The following SPATA17 variants were observed in gnomAD, a reference collection of about 807,000 sequenced individuals.
SPATA17 encodes the protein spermatogenesis-associated protein 17.
In SPATA17, 53 loss-of-function variants were observed where a neutral mutation model predicts 62.2. The observed-to-expected ratio is 0.85, with a 90% CI of 0.68 to 1.07. The LOEUF is 1.07. SPATA17 is among the 50% of genes least tolerant of loss of function. SPATA17 has a pLI of 0.00. For synonymous variants in SPATA17, 146 were observed against 146.8 expected, an observed-to-expected ratio of 0.99 and a Z score of 0.04; for missense variants, 466 against 425.5, an observed-to-expected ratio of 1.10 and a Z score of -0.84.
chr1:217,860,851 C>A (rs972347322), intron 9 of SPATA17, among the ~76,000 whole-genome samples: 2 of 152,060 alleles, frequency 1.3e-5, no homozygotes, highest in African/African-American at 4.8e-5. Flanking sequence ...TATAGTTGAT[C>A]AATATATACC....
intron 9 of SPATA17, among the ~76,000 whole-genome samples, chr1:217,845,360 G>A (rs1558074098): frequency 6.6e-6 from 1 of 151,972 alleles, no homozygotes; most frequent in Non-Finnish European, 1.5e-5. Context: ...TCTTTGGATC[G>A]AAGCCTCTTT....
chr1:217,688,819 A>G (rs1163691132), intron 5 of SPATA17, among the ~76,000 whole-genome samples: 1 of 152,088 alleles, frequency 6.6e-6, no homozygotes, highest in East Asian at 1.9e-4. Flanking sequence ...CTTTACCTTT[A>G]TATTATGAAA....
chr1:217,675,237 A>T (rs1670921126), intron 4 of SPATA17, among the ~76,000 whole-genome samples: 1 of 152,168 alleles, frequency 6.6e-6, no homozygotes, highest in South Asian at 2.1e-4. Context: ...GGGGAAAATT[A>T]TACTTATTTT....
chr1:217,767,499 C>T (rs1348402407), intron 6 of SPATA17, among the ~76,000 whole-genome samples: 1 of 152,112 alleles, frequency 6.6e-6, no homozygotes, highest in African/African-American at 2.4e-5. Flanking sequence ...TTTTATTACA[C>T]ATATGTTATA....
chr1:217,648,979 GC>G lies in SPATA17; in HGVS notation c.158+9del. The G allele has an allele frequency of 1.3e-6, 2 of 1,588,836 alleles. No homozygotes were observed. Among genetic ancestry groups the G allele is most frequent in the Non-Finnish European group, 1.7e-6 (2 of 1,167,000 alleles). On this transcript the variant is annotated intron_variant, in intron 2 of 10. Transcript: ENST00000366933. ...AGTTCGGGCATATATCAGGTATATT[GC>G]TTTTGTCATGGAAACCTCAGATATA...
At chr1:217,749,325 A>G (rs905374296) in intron 6 of SPATA17, among the ~76,000 whole-genome samples, 3 of 152,096 alleles carry the variant, frequency 2.0e-5, no homozygotes, top group Non-Finnish European at 4.4e-5. Context: ...ATGCCTTGAT[A>G]CTTACGGTTG....
intron 5 of SPATA17, among the ~76,000 whole-genome samples, chr1:217,705,428 G>GTTTTTTTTT (rs1558573363): frequency 1.7e-5 from 1 of 59,604 alleles, no homozygotes; most frequent in African/African-American, 5.3e-5. Context: ...GATTCTAGTT[G>GTTTTTTTTT]TCTTTTTTTT....
At chr1:217,810,341 T>C (rs1421138491) in intron 9 of SPATA17, among the ~76,000 whole-genome samples, 1 of 152,180 alleles carries the variant, frequency 6.6e-6, no homozygotes, top group Non-Finnish European at 1.5e-5. Context: ...TTCTTGTTGG[T>C]CTCATGTATT....
rs374042087 is a variant in SPATA17 at position 217,770,978 on chromosome 1, A to ATTTTTTTTTTTTTTTTTTTTTTTT, written c.520-3349_520-3326dup. On this transcript the variant is annotated intron_variant, in intron 6 of 10. Coordinates refer to ENST00000366933, the MANE Select transcript of SPATA17 (RefSeq NM_138796.4). Reference sequence around the variant, plus strand: ...ATGTATCTATTATATAACTCATTGCATTTTTTTTTTTTTTTTTTTTTTTTT... The same window carrying ATTTTTTTTTTTTTTTTTTTTTTTT: ...ATGTATCTATTATATAACTCATTGCATTTTTTTTTTTTTTTTTTTTTTTTTTTTTTTTTTTTTTTTTTTTTTTTT... Among the ~76,000 whole-genome samples, 33 of 50,162 alleles carry ATTTTTTTTTTTTTTTTTTTTTTTT rather than the reference A, an allele frequency of 6.6e-4. 7 individuals are homozygous for ATTTTTTTTTTTTTTTTTTTTTTTT. The highest frequency in any genetic ancestry group is 2.5e-3 in the East Asian group (3 of 1,198). 32.9% of individuals were successfully genotyped at this position (50,162 alleles called of 152,430 possible).
intron 6 of SPATA17, among the ~76,000 whole-genome samples, chr1:217,768,855 G>A (rs923220231): frequency 2.0e-5 from 3 of 152,084 alleles, no homozygotes; most frequent in Non-Finnish European, 4.4e-5. Context: ...TTTTACTGCA[G>A]CCTTTGATGT....
intron 5 of SPATA17, among the ~76,000 whole-genome samples, chr1:217,685,834 G>A (rs1671203781): frequency 1.3e-5 from 2 of 152,094 alleles, no homozygotes; most frequent in East Asian, 1.9e-4. Context: ...GTTATTCACA[G>A]TACAGTACAA....
intron 5 of SPATA17, among the ~76,000 whole-genome samples, chr1:217,701,324 T>C (rs1041229694): frequency 1.3e-5 from 2 of 151,746 alleles, no homozygotes; most frequent in Non-Finnish European, 2.9e-5. Flanking sequence ...TGTGTATATA[T>C]ATGTGTGTAT....
intron 7 of SPATA17, among the ~76,000 whole-genome samples, chr1:217,778,546 C>T (rs1262420302): frequency 2.0e-5 from 3 of 151,934 alleles, no homozygotes; most frequent in Non-Finnish European, 4.4e-5. Flanking sequence ...TAATAAACCA[C>T]GTTGCATGCT....
chr1:217,677,466 G>A (rs751741632), intron 4 of SPATA17, among the ~76,000 whole-genome samples: 2 of 151,920 alleles, frequency 1.3e-5, no homozygotes, highest in East Asian at 1.9e-4. Context: ...CATAGTTAGA[G>A]ATAGATAGGT....
rs71166016 is a variant in SPATA17 at position 217,680,922 on chromosome 1, T to TAAA, written c.292-2314_292-2312dup. On this transcript the variant is annotated intron_variant, in intron 4 of 10. Transcript: ENST00000366933. ...ACTGGGTGACAGAGTGAGACTCTGT[T>TAAA]AAAAAAAAAAAAAAAAAAAAAAAAG... Among the ~76,000 whole-genome samples, 386 of 58,194 alleles carry TAAA rather than the reference T, an allele frequency of 6.6e-3. 4 individuals are homozygous for TAAA. The highest frequency in any genetic ancestry group is 0.011 in the Non-Finnish European group (345 of 32,296). The allele number at this position is 58,194 out of a possible 152,430, so 38.2% of individuals were successfully genotyped here.
At chr1:217,816,640 G>A (rs1222982234) in intron 9 of SPATA17, among the ~76,000 whole-genome samples, 1 of 151,886 alleles carries the variant, frequency 6.6e-6, no homozygotes, top group Non-Finnish European at 1.5e-5. Flanking sequence ...GTAACTACTT[G>A]ATAGTGTCAT....
At chr1:217,783,511 A>G (rs1455836826) in intron 8 of SPATA17, among the ~76,000 whole-genome samples, 1 of 152,046 alleles carries the variant, frequency 6.6e-6, no homozygotes, top group Non-Finnish European at 1.5e-5. Flanking sequence ...TTTTTTTCCA[A>G]TTAGTTTTGA....
At chr1:217,718,492 C>T (rs781086998) in intron 5 of SPATA17, among the ~76,000 whole-genome samples, 8 of 152,154 alleles carry the variant, frequency 5.3e-5, no homozygotes, top group African/African-American at 1.9e-4. Context: ...AACTTAAAGT[C>T]TTGTACTTGA....
rs190463963 is a variant in SPATA17, at chr1:217,669,699, C to G, written c.291+616C>G. Among the ~76,000 whole-genome samples, 22 of 152,184 alleles carry G rather than the reference C, an allele frequency of 1.4e-4. No individual in the cohort carries two copies. The East Asian group carries it at 3.9e-3, about 27-fold the overall frequency. Reference sequence around the variant, plus strand: ...TAAGCTATTATAAATGGAGAAATTTCTTAAGTGAATTTCATTATTGTCCTT... The same window carrying G: ...TAAGCTATTATAAATGGAGAAATTTGTTAAGTGAATTTCATTATTGTCCTT... On this transcript the variant is annotated intron_variant, in intron 4 of 10. Transcript: ENST00000366933.
Sources: gnomAD v4.1 joint callset for allele counts (sites outside exome capture counted in the v4.1 genomes callset) on GRCh38, gnomAD v4.1.1 for gene constraint, MANE v1.5 for transcripts, NCBI Gene and HGNC (gene_info 2026-07-23, HGNC 2026-07-21) for gene names.